The following CDC42BPA variants were observed in gnomAD, a reference collection of about 807,000 sequenced individuals.
CDC42BPA encodes serine/threonine-protein kinase MRCK alpha.
CDC42BPA carries 80 observed loss-of-function variants against 223.5 expected under a neutral mutation model. That is an observed-to-expected ratio of 0.36 (90% CI 0.30 to 0.43). The LOEUF (loss-of-function observed/expected upper bound fraction) is 0.43, where lower values mean the gene tolerates loss of function less well. Ranked by LOEUF, CDC42BPA falls within the 20% of genes least tolerant of loss-of-function variation. The pLI, the probability that CDC42BPA is intolerant of heterozygous loss-of-function variation, is 1.00. For missense variants in CDC42BPA, 1,743 were observed against 2,099.9 expected (o/e 0.83, Z 3.32); for synonymous variants, 694 against 718.6 (o/e 0.97, Z 0.55).
At chr1:227,196,499 C>T (rs1282259499) in intron 4 of CDC42BPA, among the ~76,000 whole-genome samples, 1 of 151,818 alleles carries the variant, frequency 6.6e-6, no homozygotes, top group African/African-American at 2.4e-5. Context: ...ACCACCACAC[C>T]CGGCTAATTT....
At chr1:227,091,807 T>C in intron 16 of CDC42BPA, 79 bp downstream of exon 16, 3 of 700,270 alleles carry the variant, frequency 4.3e-6, no homozygotes, top group Non-Finnish European at 7.0e-6. Context: ...ATGTCAAATA[T>C]AAAGTTATAC....
chr1:227,287,231 A>G (rs1337284934), intron 1 of CDC42BPA, among the ~76,000 whole-genome samples: 2 of 152,132 alleles, frequency 1.3e-5, no homozygotes, highest in African/African-American at 4.8e-5. Context: ...ACTGTTTCGT[A>G]TTGTGCGGAA....
intron 2 of CDC42BPA, among the ~76,000 whole-genome samples, chr1:227,246,319 A>G (rs1280808921): frequency 6.6e-6 from 1 of 152,206 alleles, no homozygotes; most frequent in East Asian, 1.9e-4. Flanking sequence ...TAGATTGCTA[A>G]GGTTTTTAAC....
At chr1:227,309,173 G>A (rs1022277802) in intron 1 of CDC42BPA, among the ~76,000 whole-genome samples, 32 of 148,084 alleles carry the variant, frequency 2.2e-4, no homozygotes, top group Middle Eastern at 7.0e-3. Flanking sequence ...CAAGACCAGC[G>A]TGGACAACAT....
chr1:227,250,626 GTGTGTGTGTGTGTA>G (rs1558869796), intron 2 of CDC42BPA, among the ~76,000 whole-genome samples: 4 of 151,398 alleles, frequency 2.6e-5, no homozygotes, highest in East Asian at 3.9e-4. Flanking sequence ...AAACTGAAGT[GTGTGTGTGTGTGTA>G]TGTGTGTGTG....
At chr1:227,111,292 C>G (rs541981087) in intron 14 of CDC42BPA, among the ~76,000 whole-genome samples, 1 of 152,228 alleles carries the variant, frequency 6.6e-6, no homozygotes, top group Admixed American at 6.5e-5. Context: ...AAGGCAGATA[C>G]CACACTCAGA....
intron 22 of CDC42BPA, among the ~76,000 whole-genome samples, chr1:227,049,776 G>A (rs1673162644): frequency 6.6e-6 from 1 of 152,096 alleles, no homozygotes; most frequent in Non-Finnish European, 1.5e-5. Context: ...ATTACAAATC[G>A]ATGGGGGGAA....
chr1:227,103,112 T>C (rs1223992079), intron 14 of CDC42BPA, among the ~76,000 whole-genome samples: 1 of 152,126 alleles, frequency 6.6e-6, no homozygotes, highest in Non-Finnish European at 1.5e-5. Context: ...TTATGCGACA[T>C]TCATTTCAGA....
rs532919932 is a variant in CDC42BPA, at chr1:227,264,350, T to A, written c.179-10195A>T. Among the ~76,000 whole-genome samples, 63 of 151,616 alleles carry A rather than the reference T, an allele frequency of 4.2e-4. 5 individuals carry two copies. Among genetic ancestry groups the A allele is most frequent in the African/African-American group, 1.5e-3 (61 of 40,886 alleles). ...TTGTCCTTCTCCCTGTATCTGAGGA[T>A]CATGTACTGCTTTATTGTCCATGTC... On this transcript the variant is annotated intron_variant, in intron 1 of 36. Transcript: ENST00000366766.
chr1:227,144,447 C>T (rs7412928), intron 8 of CDC42BPA, among the ~76,000 whole-genome samples: 56,099 of 151,328 alleles, frequency 0.37, 10,607 homozygotes, highest in African/African-American at 0.41. Context: ...TGGTGGCGCA[C>T]GCCTACAGTT....
chr1:227,151,881 C>CAA (rs58336726), intron 6 of CDC42BPA, among the ~76,000 whole-genome samples: 38,427 of 85,756 alleles, frequency 0.45, 9,262 homozygotes, highest in South Asian at 0.66. Context: ...CCAGTCTCTA[C>CAA]AAAAAAAAAA....
intron 4 of CDC42BPA, among the ~76,000 whole-genome samples, chr1:227,196,826 G>GTAAC (rs1267656068): frequency 6.6e-6 from 1 of 151,922 alleles, no homozygotes; most frequent in Non-Finnish European, 1.5e-5. Flanking sequence ...CAACCATAAA[G>GTAAC]TAACTAATCA....
intron 2 of CDC42BPA, among the ~76,000 whole-genome samples, chr1:227,223,429 A>G (rs1676288388): frequency 6.6e-6 from 1 of 152,190 alleles, no homozygotes; most frequent in African/African-American, 2.4e-5. Flanking sequence ...ATAACAGGGG[A>G]ACCATTCTGC....
intron 5 of CDC42BPA, 22 bp downstream of exon 5, chr1:227,193,764 G>A (rs780395515): frequency 6.4e-7 from 1 of 1,564,558 alleles, no homozygotes; most frequent in East Asian, 2.3e-5. Context: ...TCACAGCCAG[G>A]TACAATGAAG....
intron 6 of CDC42BPA, 36 bp downstream of exon 6, chr1:227,160,507 T>C: frequency 8.0e-7 from 1 of 1,254,132 alleles, no homozygotes; most frequent in Non-Finnish European, 1.2e-6. Context: ...GGGAAATGTC[T>C]GTGAACAAAA....
At chr1:227,123,788 A>G (rs1438908884) in intron 11 of CDC42BPA, among the ~76,000 whole-genome samples, 1 of 152,142 alleles carries the variant, frequency 6.6e-6, no homozygotes, top group Non-Finnish European at 1.5e-5. Flanking sequence ...AATTATAATC[A>G]GTAAAAATAG....
At chr1:227,256,464 A>G (rs963054015) in intron 1 of CDC42BPA, among the ~76,000 whole-genome samples, 3 of 152,170 alleles carry the variant, frequency 2.0e-5, no homozygotes, top group Non-Finnish European at 4.4e-5. Context: ...CTGCACATGT[A>G]TCCCAGAACT....
At chr1:227,301,702 AATTTTC>A (rs1691664842) in intron 1 of CDC42BPA, among the ~76,000 whole-genome samples, 1 of 152,112 alleles carries the variant, frequency 6.6e-6, no homozygotes, top group Non-Finnish European at 1.5e-5. Context: ...CTGTTTTTAA[AATTTTC>A]ATTTTTATCA....
intron 33 of CDC42BPA, 66 bp downstream of exon 33, chr1:227,016,861 T>C: frequency 6.9e-7 from 1 of 1,443,792 alleles, no homozygotes; most frequent in Non-Finnish European, 9.2e-7. Flanking sequence ...TCAAATATAG[T>C]ATCATCACCG....
Sources: allele counts gnomAD v4.1 joint callset (sites outside exome capture counted in the v4.1 genomes callset), GRCh38; gene constraint gnomAD v4.1.1; transcripts MANE v1.5; gene names NCBI Gene and HGNC (gene_info 2026-07-23, HGNC 2026-07-21).